The following FAM171B variants were observed in gnomAD, a reference collection of about 807,000 sequenced individuals.
FAM171B encodes the protein family with sequence similarity 171 member B, also known as protein FAM171B.
FAM171B carries 19 observed loss-of-function variants against 75.6 expected under a neutral mutation model. The ratio of observed to expected loss-of-function variants is 0.25; its 90% confidence interval spans 0.18 to 0.37. The LOEUF (loss-of-function observed/expected upper bound fraction) is 0.37, where lower values mean the gene tolerates loss of function less well. Among genes scored for constraint, FAM171B ranks in the 10% least tolerant of loss-of-function variants. The pLI is 1.00. For missense variants in FAM171B, 848 were observed against 982.4 expected (o/e 0.86, Z 1.83); for synonymous variants, 367 against 361.7 (o/e 1.01, Z -0.17).
chr2:186,731,083 G>A (rs1185686893), intron 1 of FAM171B, among the ~76,000 whole-genome samples: 6 of 152,178 alleles, frequency 3.9e-5, no homozygotes, highest in Admixed American at 2.0e-4. Flanking sequence ...TCTCTCATGC[G>A]GTTTATCATG....
intron 4 of FAM171B, among the ~76,000 whole-genome samples, chr2:186,748,162 A>C (rs572429212): frequency 3.4e-5 from 5 of 148,852 alleles, no homozygotes; most frequent in Non-Finnish European, 7.5e-5. Context: ...GTGCTCAACA[A>C]TCCGCCCACC....
intron 1 of FAM171B, among the ~76,000 whole-genome samples, chr2:186,704,046 T>C (rs1255056487): frequency 1.3e-5 from 2 of 152,198 alleles, no homozygotes; most frequent in Admixed American, 1.3e-4. Context: ...TTTACTTATT[T>C]ATATTTAAAT....
chr2:186,695,993 GTAATATA>G (rs1452306772), intron 1 of FAM171B, among the ~76,000 whole-genome samples: 1 of 84,010 alleles, frequency 1.2e-5, no homozygotes, highest in Non-Finnish European at 2.8e-5. Context: ...TTTGACTACT[GTAATATA>G]TATATATATG....
chr2:186,729,378 T>C (rs1053095939), intron 1 of FAM171B, among the ~76,000 whole-genome samples: 4 of 151,764 alleles, frequency 2.6e-5, no homozygotes, highest in African/African-American at 7.3e-5. Flanking sequence ...CAAAAGCACC[T>C]CCGGCTGAAA....
At chr2:186,735,241 G>A (rs1690182407) in intron 1 of FAM171B, among the ~76,000 whole-genome samples, 1 of 152,208 alleles carries the variant, frequency 6.6e-6, no homozygotes, top group Non-Finnish European at 1.5e-5. Context: ...GCAGTGGCTA[G>A]GCAATGGGTG....
chr2:186,738,887 G>T (rs550246988), intron 1 of FAM171B, among the ~76,000 whole-genome samples: 2 of 152,208 alleles, frequency 1.3e-5, no homozygotes, highest in African/African-American at 4.8e-5. Flanking sequence ...AATACACTAT[G>T]AGAAATGCAT....
At chr2:186,723,925 G>C (rs13413716) in intron 1 of FAM171B, among the ~76,000 whole-genome samples, 3 of 152,032 alleles carry the variant, frequency 2.0e-5, no homozygotes. Flanking sequence ...TCAAATATTC[G>C]TTCATTCAGA....
rs1232127395 is a variant in FAM171B, at chr2:186,732,240, G to A, written c.239-7988G>A. Among the ~76,000 whole-genome samples the A allele has an allele frequency of 3.3e-5, 5 of 152,122 alleles. No homozygotes were observed. In the South Asian group the frequency reaches 6.2e-4, roughly 19 times the overall value. ...AGTTTGAGGACATGGTTTGGCATGA[G>A]TATGTGTGTATATGGCCAGGGGGTG... is the stretch of plus-strand genomic sequence containing the variant. On this transcript the variant is annotated intron_variant, in intron 1 of 7. Transcript: ENST00000304698.
chr2:186,725,907 G>T (rs541654638), intron 1 of FAM171B, among the ~76,000 whole-genome samples: 2 of 152,344 alleles, frequency 1.3e-5, no homozygotes, highest in African/African-American at 4.8e-5. Flanking sequence ...TGTTTTAGGA[G>T]CTTGGGACAG....
At position 186,694,249 on chromosome 2, in the gene FAM171B, G is replaced by A. The variant is rs755554212; in HGVS notation, c.76G>A (p.Val26Ile). The A allele has an allele frequency of 2.0e-5, 32 of 1,610,996 alleles. No individual in the cohort carries two copies. The South Asian group carries it at 3.0e-4, about 15-fold the overall frequency. Reference sequence around the variant, plus strand: ...CGTGGTGCTGCTGAAAGCGCGGCTGGTCCCCGCGGCCGCCAGAGCGGAACT... The same window carrying A: ...CGTGGTGCTGCTGAAAGCGCGGCTGATCCCCGCGGCCGCCAGAGCGGAACT... ...LAVVLLKARL[V>I]PAAARAELSR... is the part of the protein sequence containing the mutation. Residue 26 changes from valine (V) to isoleucine (I), a missense_variant, in exon 1 of 8, where the codon GTC (valine) becomes ATC (isoleucine). Physicochemically the swap from Val to Ile is conservative, Grantham distance 29. This residue lies in a region of FAM171B where 665 missense variants were observed against 729.0 expected (regional missense o/e 0.91). Coordinates refer to ENST00000304698, the MANE Select transcript of FAM171B (RefSeq NM_177454.4).
intron 6 of FAM171B, among the ~76,000 whole-genome samples, chr2:186,757,155 G>T (rs1690544759): frequency 6.6e-6 from 1 of 152,106 alleles, no homozygotes; most frequent in African/African-American, 2.4e-5. Context: ...GAGGGGTGGT[G>T]CTGAAAGCTA....
At position 186,762,775 on chromosome 2, in the gene FAM171B, T is replaced by C; in HGVS notation, c.2433T>C (p.Thr811=). 6.2e-7 allele frequency: 1 copy of C among 1,613,198 alleles called. No individual in the cohort carries two copies. Among genetic ancestry groups the C allele is most frequent in the Non-Finnish European group, 8.5e-7 (1 of 1,179,502 alleles). The change falls in exon 8 of 8, where the codon ACT becomes ACC. Residue 811 remains threonine (T), a synonymous_variant. Transcript: ENST00000304698. The surrounding 1 kb of genome is among the most constrained non-coding windows in gnomAD (Gnocchi z 4.0). ...RPPLAKRDSK[T]NIWKKREERP... ...CACTAGCCAAAAGAGATAGCAAGAC[T>C]AACATCTGGAAGAAGCGAGAGGAAC...
chr2:186,725,874 CT>C (rs1259629777), intron 1 of FAM171B, among the ~76,000 whole-genome samples: 1 of 152,174 alleles, frequency 6.6e-6, no homozygotes, highest in Non-Finnish European at 1.5e-5. Flanking sequence ...TGACAAATGC[CT>C]GTGGAGTGAG....
intron 1 of FAM171B, among the ~76,000 whole-genome samples, chr2:186,739,102 G>A (rs909459357): frequency 3.3e-5 from 5 of 152,034 alleles, no homozygotes; most frequent in Admixed American, 2.0e-4. Context: ...TTATCTAAGC[G>A]TACAAAAGGC....
chr2:186,695,809 T>C (rs919295535), intron 1 of FAM171B, among the ~76,000 whole-genome samples: 1 of 152,224 alleles, frequency 6.6e-6, no homozygotes, highest in Non-Finnish European at 1.5e-5. Context: ...AGGCTGCTGT[T>C]AGACATACTG....
intron 1 of FAM171B, among the ~76,000 whole-genome samples, chr2:186,734,494 A>G (rs115313475): frequency 6.6e-6 from 1 of 151,622 alleles, no homozygotes; most frequent in African/African-American, 2.4e-5. Context: ...TCATCACAAC[A>G]TCTCTGTGGC....
intron 1 of FAM171B, among the ~76,000 whole-genome samples, chr2:186,713,389 A>G (rs900008329): frequency 1.3e-5 from 2 of 152,272 alleles, no homozygotes; most frequent in Admixed American, 1.3e-4. Flanking sequence ...CCTCTGGGAT[A>G]GAATTACACC....
At chr2:186,753,794 T>C in intron 5 of FAM171B, 139 bp from the exon 6 acceptor site, 1 of 568,518 alleles carries the variant, frequency 1.8e-6, no homozygotes, top group Non-Finnish European at 3.2e-6. Context: ...TATTATAATA[T>C]GATGTGATAT....
chr2:186,716,167 C>G (rs1689872145), intron 1 of FAM171B, among the ~76,000 whole-genome samples: 1 of 152,190 alleles, frequency 6.6e-6, no homozygotes, highest in African/African-American at 2.4e-5. Flanking sequence ...TGTGCACCAC[C>G]ACACCCAGCT....
Sources: gnomAD v4.1 joint callset for allele counts (sites outside exome capture counted in the v4.1 genomes callset) on GRCh38, gnomAD v4.1.1 for gene constraint, gnomAD v4.1.1 regional missense constraint, Gnocchi (gnomAD v3.1) non-coding constraint, MANE v1.5 for transcripts, NCBI Gene and HGNC (gene_info 2026-07-23, HGNC 2026-07-21) for gene names.